The following TAF1 variants were observed in gnomAD, a reference collection of about 807,000 sequenced individuals.
TAF1 encodes TATA-box binding protein associated factor 1.
TAF1 carries 2 observed loss-of-function variants against 138.5 expected under a neutral mutation model. That is an observed-to-expected ratio of 0.01 (90% CI 0.01 to 0.05). The LOEUF is 0.05. TAF1 is among the 10% of genes least tolerant of loss of function. The pLI, the probability that TAF1 is intolerant of heterozygous loss-of-function variation, is 1.00. For synonymous variants in TAF1, 437 were observed against 503.2 expected (o/e 0.87, Z 1.76); for missense variants, 709 against 1,478.0 (o/e 0.48, Z 8.53).
chrX:71,410,994 G>A (rs2035755908), intron 28 of TAF1, among the ~76,000 whole-genome samples: 1 of 108,273 alleles, frequency 9.2e-6, no homozygotes, highest in Admixed American at 1.0e-4. Context: ...TGTTGGCCAG[G>A]CTGGTCTCGG....
chrX:71,437,958 C>G (rs944615443), intron 32 of TAF1, among the ~76,000 whole-genome samples: 16 of 107,502 alleles, frequency 1.5e-4, no homozygotes, highest in Non-Finnish European at 2.3e-4. Context: ...GCCTCAGCCT[C>G]CAGAGTAGCT....
At position 71,377,588 on chromosome X, in the gene TAF1, T is replaced by C. The variant is rs369238299; in HGVS notation, c.715-15T>C. The C allele has an allele frequency of 5.8e-6, 7 of 1,204,859 alleles. No individual in the cohort carries two copies. In the African/African-American group the frequency reaches 8.8e-5, roughly 15 times the overall value. ...ACTTTGAGTCTGTGTCATAGTAATGTATTCTGTGTTCTAGGTGTTACGTTT... is the reference window on the plus strand; with the variant it reads ...ACTTTGAGTCTGTGTCATAGTAATGCATTCTGTGTTCTAGGTGTTACGTTT... On this transcript the variant is annotated splice_polypyrimidine_tract_variant and intron_variant, in intron 5 of 37. Transcript: ENST00000423759.
intron 32 of TAF1, among the ~76,000 whole-genome samples, chrX:71,427,920 T>A (rs2036672874): frequency 1.0e-5 from 1 of 97,758 alleles, no homozygotes. Flanking sequence ...GCCTGGGTGA[T>A]AGAGTGAGAC....
Position 71,388,886 on chromosome X carries a change from A to G in TAF1, c.2700+18A>G, listed in dbSNP as rs779024893. 1.7e-6 allele frequency: 2 copies of G among 1,196,019 alleles called. No individual in the cohort carries two copies. Among genetic ancestry groups the G allele is most frequent in the South Asian group, 1.9e-5 (1 of 53,936 alleles). ...GACTGAAGGTGAACACCTTCCTCTT[A>G]GACACCACTTATGCCTGTGGTTTTT... is the stretch of plus-strand genomic sequence containing the variant. On this transcript the variant is annotated intron_variant, in intron 17 of 37. Coordinates refer to ENST00000423759, the MANE Select transcript of TAF1 (RefSeq NM_004606.5).
chrX:71,428,185 T>G (rs1667414139), intron 32 of TAF1, among the ~76,000 whole-genome samples: 1 of 107,411 alleles, frequency 9.3e-6, no homozygotes, highest in African/African-American at 3.4e-5. Flanking sequence ...CTGGCTAATT[T>G]TTGTATTTTT....
At chrX:71,367,662 A>G (rs2032654109) in intron 2 of TAF1, 49 bp downstream of exon 2, 2 of 1,151,662 alleles carry the variant, frequency 1.7e-6, no homozygotes, top group Non-Finnish European at 2.4e-6. Context: ...CTAGCCACCT[A>G]CTATGTATGT....
chrX:71,390,721 C>T (rs182290797), intron 18 of TAF1, among the ~76,000 whole-genome samples: 40 of 111,645 alleles, frequency 3.6e-4, no homozygotes, highest in Admixed American at 2.3e-3. Flanking sequence ...CACGGCCGGG[C>T]GCGGTGGCTC....
At chrX:71,430,438 A>G (rs1048144878) in intron 32 of TAF1, among the ~76,000 whole-genome samples, 12 of 111,175 alleles carry the variant, frequency 1.1e-4, no homozygotes, top group Non-Finnish European at 2.1e-4. Context: ...CTGCTAAGCT[A>G]TCAAAATGGT....
intron 32 of TAF1, among the ~76,000 whole-genome samples, chrX:71,431,008 T>A (rs1282724298): frequency 1.1e-5 from 1 of 88,086 alleles, no homozygotes; most frequent in Non-Finnish European, 2.2e-5. Flanking sequence ...GAAGAATTTT[T>A]TTTTTTTTTT....
At chrX:71,385,125 TA>T in intron 14 of TAF1, 76 bp downstream of exon 14, 1 of 755,830 alleles carries the variant, frequency 1.3e-6, no homozygotes, top group Non-Finnish European at 1.9e-6. Flanking sequence ...CAGAAAGAAC[TA>T]TTATAATTCT....
intron 28 of TAF1, among the ~76,000 whole-genome samples, chrX:71,411,838 A>G (rs896080908): frequency 5.4e-5 from 6 of 110,573 alleles, no homozygotes; most frequent in African/African-American, 2.0e-4. Context: ...GCTCACCGCA[A>G]CCTCCACCTC....
chrX:71,443,974 G>A (rs1490005516), intron 32 of TAF1, among the ~76,000 whole-genome samples: 3 of 110,981 alleles, frequency 2.7e-5, no homozygotes, highest in African/African-American at 9.9e-5. Context: ...GCCTCCCAAA[G>A]TGTTGAGATT....
intron 13 of TAF1, among the ~76,000 whole-genome samples, chrX:71,488,802 C>T (rs1284038331): frequency 9.0e-6 from 1 of 110,663 alleles, no homozygotes; most frequent in East Asian, 2.9e-4. Flanking sequence ...CACGGTGGCT[C>T]ACACCTGTAA....
At chrX:71,421,885 G>A (rs1293412694) in intron 29 of TAF1, among the ~76,000 whole-genome samples, 2 of 111,926 alleles carry the variant, frequency 1.8e-5, no homozygotes, top group Non-Finnish European at 3.8e-5. Context: ...CACAAAAGAG[G>A]ACAACTAGCC....
intron 12 of TAF1, among the ~76,000 whole-genome samples, chrX:71,383,449 A>G (rs923327753): frequency 6.2e-5 from 7 of 112,404 alleles, no homozygotes; most frequent in Admixed American, 9.5e-5. Context: ...ACGTGGGATA[A>G]TAAGTGTTCA....
intron 32 of TAF1, 93 bp downstream of exon 32, chrX:71,424,331 C>A: frequency 1.5e-6 from 1 of 685,062 alleles, no homozygotes; most frequent in Non-Finnish European, 2.1e-6. Context: ...TTTTTTGAGA[C>A]AGGATCTTGC....
chrX:71,405,888 A>T (rs1157013852), intron 25 of TAF1, among the ~76,000 whole-genome samples: 3 of 111,016 alleles, frequency 2.7e-5, no homozygotes, highest in Non-Finnish European at 5.7e-5. Flanking sequence ...AGAAGAAAAA[A>T]TGTGATACCA....
intron 32 of TAF1, among the ~76,000 whole-genome samples, chrX:71,452,393 C>T (rs1292573776): frequency 6.3e-5 from 7 of 110,989 alleles, no homozygotes; most frequent in Non-Finnish European, 9.5e-5. Context: ...GGGTCGCGGC[C>T]GGGCAGAGGT....
At chrX:71,428,048 C>A (rs1414859923) in intron 32 of TAF1, among the ~76,000 whole-genome samples, 1 of 81,611 alleles carries the variant, frequency 1.2e-5, no homozygotes, top group South Asian at 8.3e-4. Flanking sequence ...TGGAGTCTTG[C>A]TCTGTCGCCC....
Sources: gnomAD v4.1 joint callset for allele counts (sites outside exome capture counted in the v4.1 genomes callset) on GRCh38, gnomAD v4.1.1 for gene constraint, MANE v1.5 for transcripts, NCBI Gene and HGNC (gene_info 2026-07-23, HGNC 2026-07-21) for gene names.